Variants in STK32B observed in about 807,000 individuals in gnomAD.
The protein encoded by STK32B is serine/threonine kinase 32B, also known as serine/threonine-protein kinase 32B.
STK32B carries 43 observed loss-of-function variants against 52.6 expected under a neutral mutation model. The observed-to-expected ratio is 0.82, with a 90% CI of 0.64 to 1.05. The LOEUF (loss-of-function observed/expected upper bound fraction) is 1.05. Among genes scored for constraint, STK32B ranks in the 50% least tolerant of loss-of-function variants. The pLI is 0.00. For missense variants in STK32B, 621 were observed against 534.6 expected (o/e 1.16, Z -1.59); for synonymous variants, 238 against 204.3 (o/e 1.17, Z -1.41).
intron 3 of STK32B, among the ~76,000 whole-genome samples, chr4:5,227,731 A>G (rs927696620): frequency 3.9e-5 from 6 of 152,198 alleles, no homozygotes; most frequent in African/African-American, 1.4e-4. Flanking sequence ...AGTACTTTAT[A>G]TGTACTTTCT....
At chr4:5,297,392 TC>T (rs1729271363) in intron 3 of STK32B, among the ~76,000 whole-genome samples, 2 of 152,158 alleles carry the variant, frequency 1.3e-5, no homozygotes, top group Non-Finnish European at 2.9e-5. Context: ...GGTTCCATTC[TC>T]CCCATCACTT....
intron 11 of STK32B, among the ~76,000 whole-genome samples, chr4:5,485,372 G>A (rs1371492592): frequency 6.6e-6 from 1 of 151,944 alleles, no homozygotes; most frequent in East Asian, 1.9e-4. Context: ...TCTTCCAGTT[G>A]ATCGAATCGG....
At chr4:5,147,489 A>G (rs1304766164) in intron 2 of STK32B, among the ~76,000 whole-genome samples, 3 of 152,076 alleles carry the variant, frequency 2.0e-5, no homozygotes, top group African/African-American at 4.8e-5. Flanking sequence ...AGCAAGCATC[A>G]TTGTTTTGTT....
At chr4:5,485,825 G>A (rs762230544) in intron 11 of STK32B, among the ~76,000 whole-genome samples, 1 of 152,212 alleles carries the variant, frequency 6.6e-6, no homozygotes, top group Non-Finnish European at 1.5e-5. Flanking sequence ...TTCAGCTGCA[G>A]GTCTGTTGGA....
intron 3 of STK32B, among the ~76,000 whole-genome samples, chr4:5,177,280 A>G (rs1719983207): frequency 6.6e-6 from 1 of 152,284 alleles, no homozygotes; most frequent in African/African-American, 2.4e-5. Context: ...GGATGGAGTG[A>G]GTGCCAGTGG....
rs920691364 is a variant in STK32B at position 5,266,263 on chromosome 4, T to G, written c.261-64957T>G. Among the ~76,000 whole-genome samples the G allele has an allele frequency of 2.6e-5, 4 of 152,310 alleles. No individual in the cohort carries two copies. In the South Asian group the frequency reaches 6.2e-4, roughly 24 times the overall value. On this transcript the variant is annotated intron_variant, in intron 3 of 11. Transcript: ENST00000282908. ...AACAGTATTCCGAACTGGCTCACAG[T>G]CTGTCCCTAGAGAAATCAACTTTTT...
chr4:5,246,631 TGGA>T (rs1207728499), intron 3 of STK32B, among the ~76,000 whole-genome samples: 2 of 152,230 alleles, frequency 1.3e-5, no homozygotes, highest in Admixed American at 6.5e-5. Flanking sequence ...TGCGTTCCTT[TGGA>T]GGAGGAGAGG....
chr4:5,280,818 G>C (rs192803692), intron 3 of STK32B, among the ~76,000 whole-genome samples: 7 of 152,202 alleles, frequency 4.6e-5, no homozygotes, highest in Admixed American at 2.0e-4. Flanking sequence ...AGAATCACTT[G>C]AGCCCAGAAG....
At chr4:5,083,391 C>G (rs1197628155) in intron 1 of STK32B, among the ~76,000 whole-genome samples, 1 of 152,132 alleles carries the variant, frequency 6.6e-6, no homozygotes, top group East Asian at 1.9e-4. Flanking sequence ...GTATTTTCAT[C>G]TTTGGCTCAT....
intron 2 of STK32B, among the ~76,000 whole-genome samples, chr4:5,142,143 A>G (rs962943665): frequency 6.6e-6 from 1 of 152,190 alleles, no homozygotes; most frequent in African/African-American, 2.4e-5. Flanking sequence ...TACACTAACT[A>G]TCCTTGTGCT....
intron 3 of STK32B, among the ~76,000 whole-genome samples, chr4:5,312,275 T>C (rs1425644818): frequency 1.3e-5 from 2 of 149,670 alleles, no homozygotes; most frequent in African/African-American, 5.1e-5. Flanking sequence ...TTTATTTTAT[T>C]ATTAGGTTTC....
chr4:5,494,006 G>T (rs1280972231), intron 11 of STK32B, among the ~76,000 whole-genome samples: 1 of 152,228 alleles, frequency 6.6e-6, no homozygotes, highest in East Asian at 1.9e-4. Context: ...CAAGTATGTG[G>T]TCAATTTTGG....
In STK32B at chr4:5,264,344, C is replaced by T. The variant is rs981844040; in HGVS notation, c.261-66876C>T. Reference sequence around the variant, plus strand: ...AATTATAGCCATTCTAGGCAGTGTGCTTTGGTATTTCTTTGTGGTTTTAAT... The same window carrying T: ...AATTATAGCCATTCTAGGCAGTGTGTTTTGGTATTTCTTTGTGGTTTTAAT... On this transcript the variant is annotated intron_variant, in intron 3 of 11. Transcript: ENST00000282908. Among the ~76,000 whole-genome samples the T allele has an allele frequency of 4.6e-5, 7 of 152,206 alleles. No homozygotes were observed. The South Asian group carries it at 1.0e-3, about 23-fold the overall frequency.
In STK32B at chr4:5,257,184, C is replaced by T. The variant is rs28469343; in HGVS notation, c.261-74036C>T. On this transcript the variant is annotated intron_variant, in intron 3 of 11. Coordinates refer to ENST00000282908, the MANE Select transcript of STK32B (RefSeq NM_018401.3). ...CTGAGTGAATGAATGAGTGAGTGCACAGGTGAGTGAGTGAATGAGTGAGTG... is the reference window on the plus strand; with the variant it reads ...CTGAGTGAATGAATGAGTGAGTGCATAGGTGAGTGAGTGAATGAGTGAGTG... Among the ~76,000 whole-genome samples, 1,398 of 151,342 alleles carry T rather than the reference C, an allele frequency of 9.2e-3. 19 individuals carry two copies. Among genetic ancestry groups the T allele is most frequent in the East Asian group, 0.07 (361 of 5,122 alleles).
At chr4:5,137,980 G>A (rs544534892) in intron 1 of STK32B, among the ~76,000 whole-genome samples, 1 of 152,210 alleles carries the variant, frequency 6.6e-6, no homozygotes, top group South Asian at 2.1e-4. Flanking sequence ...TACCTGCCCC[G>A]TGGGGACCTC....
At chr4:5,222,428 G>C (rs994569763) in intron 3 of STK32B, among the ~76,000 whole-genome samples, 1 of 152,206 alleles carries the variant, frequency 6.6e-6, no homozygotes, top group Admixed American at 6.5e-5. Flanking sequence ...AACAGCTTCA[G>C]TCTTTATAGT....
At chr4:5,292,466 CT>C (rs1428092681) in intron 3 of STK32B, among the ~76,000 whole-genome samples, 1 of 151,912 alleles carries the variant, frequency 6.6e-6, no homozygotes, top group East Asian at 1.9e-4. Flanking sequence ...TATTCATTTC[CT>C]TTTCCCACTT....
At chr4:5,326,779 G>C (rs1731906172) in intron 3 of STK32B, among the ~76,000 whole-genome samples, 2 of 152,076 alleles carry the variant, frequency 1.3e-5, no homozygotes, top group Admixed American at 1.3e-4. Flanking sequence ...CTGAAGGTTG[G>C]GGTGACTGTG....
chr4:5,217,715 A>C (rs1220809127), intron 3 of STK32B, among the ~76,000 whole-genome samples: 12 of 152,204 alleles, frequency 7.9e-5, no homozygotes. Flanking sequence ...TCTTAAGTCT[A>C]ATGTCTGGAC....
Sources: gnomAD v4.1 joint callset for allele counts (sites outside exome capture counted in the v4.1 genomes callset) on GRCh38, gnomAD v4.1.1 for gene constraint, MANE v1.5 for transcripts, NCBI Gene and HGNC (gene_info 2026-07-23, HGNC 2026-07-21) for gene names.